DLGAP5: variants seen among roughly 807,000 people sequenced by gnomAD.
DLGAP5 encodes the protein DLG associated protein 5.
Under a neutral mutation model 99.6 loss-of-function variants are expected in DLGAP5, and 90 were observed. The ratio of observed to expected loss-of-function variants is 0.90; its 90% CI spans 0.76 to 1.08. The LOEUF is 1.08. DLGAP5 is among the 50% of genes least tolerant of loss of function. DLGAP5 has a pLI of 0.00. For missense variants in DLGAP5, 1,036 were observed against 983.5 expected (o/e 1.05, Z -0.71); for synonymous variants, 311 against 321.3 (o/e 0.97, Z 0.34).
rs780214794 is a variant in DLGAP5 at position 55,189,083 on chromosome 14, C to G, written c.97G>C (p.Glu33Gln). 2 of 1,613,924 alleles carry G rather than the reference C, an allele frequency of 1.2e-6. No individual in the cohort carries two copies. The highest frequency in any genetic ancestry group is 2.2e-5 in the East Asian group (1 of 44,812). ...IAHRKSLSQKENRHKEYERNR... is the reference protein window; with the variant it reads ...IAHRKSLSQKQNRHKEYERNR... The stretch of plus-strand genomic sequence containing the variant: ...CGTTCGTATTCCTTATGTCTATTTT[C>G]TTTCTGAGACAGTGATTTCCTATGA... Residue 33 changes from glutamate (E) to glutamine (Q), a missense_variant, in exon 2 of 19, where the codon GAA becomes CAA. Physicochemically the swap from Glu to Gln is conservative, Grantham distance 29. Transcript: ENST00000247191.
chr14:55,150,998 GTAGT>G, intron 17 of DLGAP5, 150 bp from the exon 18 acceptor site: 1 of 527,712 alleles, frequency 1.9e-6, no homozygotes, highest in Non-Finnish European at 3.3e-6. Flanking sequence ...TTTTTTGAAA[GTAGT>G]TAAATTCTTA....
At position 55,154,769 on chromosome 14, in the gene DLGAP5, A is replaced by G. The variant is rs1220257547; in HGVS notation, c.1911T>C (p.Leu637=). The G allele has an allele frequency of 1.2e-6, 2 of 1,613,994 alleles. No individual in the cohort carries two copies. The highest frequency in any genetic ancestry group is 1.3e-5 in the African/African-American group (1 of 74,922). Residue 637 remains leucine, a synonymous_variant, in exon 15 of 19, where the codon CTT becomes CTC. Coordinates refer to ENST00000247191, the MANE Select transcript of DLGAP5 (RefSeq NM_014750.5). ...CTTTGTTGACAGACTTAGGTGTTCC[A>G]AGTCTTTGAGAAGGGCCTTCAGAAG... is the stretch of plus-strand genomic sequence containing the variant. ...SVSSEGPSQR[L]GTPKSVNKAV...
chr14:55,154,536 C>G, intron 15 of DLGAP5, 81 bp downstream of exon 15: 1 of 1,167,094 alleles, frequency 8.6e-7, no homozygotes, highest in Non-Finnish European at 1.3e-6. Context: ...ATATGTCTGG[C>G]ACCTTTTACC....
intron 17 of DLGAP5, 124 bp from the exon 18 acceptor site, chr14:55,150,972 C>A: frequency 1.7e-6 from 1 of 592,016 alleles, no homozygotes; most frequent in East Asian, 3.6e-5. Flanking sequence ...AAAATATAGA[C>A]CCCTATGCTA....
intron 11 of DLGAP5, among the ~76,000 whole-genome samples, chr14:55,170,306 T>A (rs1409168810): frequency 3.9e-5 from 6 of 152,080 alleles, no homozygotes; most frequent in African/African-American, 1.5e-4. Context: ...CATATTGATT[T>A]AGGTAATTTT....
intron 14 of DLGAP5, among the ~76,000 whole-genome samples, chr14:55,158,004 C>T (rs894015491): frequency 6.6e-6 from 1 of 152,214 alleles, no homozygotes; most frequent in African/African-American, 2.4e-5. Context: ...TTCAAGTGAT[C>T]CTCCTGCCTT....
chr14:55,149,882 T>C (rs956785404), intron 18 of DLGAP5, among the ~76,000 whole-genome samples: 2 of 151,046 alleles, frequency 1.3e-5, no homozygotes, highest in African/African-American at 4.9e-5. Flanking sequence ...AAACCCCGCA[T>C]CTCTACTAAA....
chr14:55,150,678 G>T, intron 18 of DLGAP5, 121 bp downstream of exon 18: 3 of 694,878 alleles, frequency 4.3e-6, no homozygotes, highest in South Asian at 2.4e-5. Context: ...AAAATGAAGA[G>T]TGAGTAAGCA....
chr14:55,185,059 C>T (rs1387124241), intron 2 of DLGAP5, among the ~76,000 whole-genome samples: 1 of 152,192 alleles, frequency 6.6e-6, no homozygotes, highest in Admixed American at 6.5e-5. Context: ...ATTTTTTCCT[C>T]TACTGAATTG....
chr14:55,186,933 C>T (rs149039556), intron 2 of DLGAP5, among the ~76,000 whole-genome samples: 1,900 of 152,128 alleles, frequency 0.012, 21 homozygotes, highest in Non-Finnish European at 0.02. Context: ...TTTTTTGAGA[C>T]GGAGTCTCAC....
At chr14:55,160,468 G>C (rs1011827929) in intron 13 of DLGAP5, among the ~76,000 whole-genome samples, 2 of 151,212 alleles carry the variant, frequency 1.3e-5, no homozygotes, top group African/African-American at 2.4e-5. Context: ...TGTTATTTTT[G>C]AGAGAGTCTT....
At chr14:55,156,647 C>T (rs1882225804) in intron 14 of DLGAP5, among the ~76,000 whole-genome samples, 1 of 152,158 alleles carries the variant, frequency 6.6e-6, no homozygotes, top group Admixed American at 6.5e-5. Context: ...CTATTCTTAA[C>T]CATGTGCAGG....
intron 8 of DLGAP5, 65 bp from the exon 9 acceptor site, chr14:55,176,083 TC>T (rs2140323331): frequency 7.1e-7 from 1 of 1,404,300 alleles, no homozygotes; most frequent in East Asian, 2.3e-5. Context: ...ATAAAGGGTT[TC>T]AAAATTGTGT....
intron 18 of DLGAP5, chr14:55,150,277 C>T (rs1038561803): frequency 1.1e-4 from 17 of 152,194 alleles, no homozygotes; most frequent in African/African-American, 4.1e-4. Context: ...GAAATGTAAA[C>T]ACTGTATGCC....
At chr14:55,172,059 CA>C (rs1467585914) in intron 10 of DLGAP5, among the ~76,000 whole-genome samples, 1 of 151,982 alleles carries the variant, frequency 6.6e-6, no homozygotes, top group Admixed American at 6.6e-5. Flanking sequence ...GATGGGGTTT[CA>C]CCAAGTTGGC....
intron 6 of DLGAP5, 71 bp from the exon 7 acceptor site, chr14:55,179,770 A>G (rs948651700): frequency 3.2e-5 from 40 of 1,259,776 alleles, no homozygotes; most frequent in Non-Finnish European, 4.0e-5. Context: ...AACTTGGGAA[A>G]GGAAAAGAAG....
At position 55,156,622 on chromosome 14, in the gene DLGAP5, C is replaced by G. The variant is rs186099457; in HGVS notation, c.1874-1816G>C. Among the ~76,000 whole-genome samples, 7 of 152,294 alleles carry G rather than the reference C, an allele frequency of 4.6e-5. No individual in the cohort carries two copies. In the East Asian group the frequency reaches 1.3e-3, roughly 29 times the overall value. ...TACCCATGTGCAGAGAGTTTCCAGT[C>G]AGCTTTTTAGTGCCCTATTCTTAAC... is the stretch of plus-strand genomic sequence containing the variant. On this transcript the variant is annotated intron_variant, in intron 14 of 18. Coordinates refer to ENST00000247191, the MANE Select transcript of DLGAP5 (RefSeq NM_014750.5).
At chr14:55,176,920 G>C in intron 8 of DLGAP5, 142 bp downstream of exon 8, 1 of 609,844 alleles carries the variant, frequency 1.6e-6, no homozygotes, top group Non-Finnish European at 2.3e-6. Flanking sequence ...GGAGCTTACA[G>C]TGAGGGGAGA....
intron 3 of DLGAP5, 58 bp from the exon 4 acceptor site, chr14:55,182,490 A>G (rs541455336): frequency 7.1e-7 from 1 of 1,409,922 alleles, no homozygotes; most frequent in Non-Finnish European, 9.8e-7. Context: ...GTTTACTTCC[A>G]TATCTTATTA....
Sources: allele counts gnomAD v4.1 joint callset (sites outside exome capture counted in the v4.1 genomes callset), GRCh38; gene constraint gnomAD v4.1.1; transcripts MANE v1.5; gene names NCBI Gene and HGNC (gene_info 2026-07-23, HGNC 2026-07-21).